RAD54L2: variants seen among roughly 807,000 people sequenced by gnomAD.
The protein encoded by RAD54L2 is RAD54 like 2.
A neutral mutation model predicts 138.4 loss-of-function variants in RAD54L2; 27 were observed. That is an observed-to-expected ratio of 0.20 (90% CI 0.14 to 0.27). RAD54L2 has a LOEUF of 0.27. RAD54L2 is among the 10% of genes least tolerant of loss of function. The pLI is 1.00. For missense variants in RAD54L2, 1,396 were observed against 1,890.2 expected, an observed-to-expected ratio of 0.74 and a Z score of 4.85; for synonymous variants, 644 against 723.2, an observed-to-expected ratio of 0.89 and a Z score of 1.76.
At chr3:51,650,300 C>G (rs1224306522) in intron 19 of RAD54L2, among the ~76,000 whole-genome samples, 1 of 152,128 alleles carries the variant, frequency 6.6e-6, no homozygotes, top group Non-Finnish European at 1.5e-5. Flanking sequence ...TCCTTAGAGA[C>G]CTACAAAGAG....
At chr3:51,648,879 C>T (rs1005231905) in intron 19 of RAD54L2, among the ~76,000 whole-genome samples, 1 of 152,100 alleles carries the variant, frequency 6.6e-6, no homozygotes, top group African/African-American at 2.4e-5. Context: ...ATTCTAAAAA[C>T]CAGAGCACCT....
At chr3:51,571,542 A>G (rs944747490) in intron 2 of RAD54L2, among the ~76,000 whole-genome samples, 3 of 151,630 alleles carry the variant, frequency 2.0e-5, no homozygotes, top group African/African-American at 4.8e-5. Context: ...GTGCATCACT[A>G]TTTTTAGTAG....
At chr3:51,568,729 G>A (rs556816946) in intron 2 of RAD54L2, among the ~76,000 whole-genome samples, 23 of 152,278 alleles carry the variant, frequency 1.5e-4, no homozygotes. Context: ...GTACCAGGTT[G>A]GAGAGTGTAG....
At chr3:51,543,500 C>T (rs782043920) in intron 2 of RAD54L2, among the ~76,000 whole-genome samples, 1 of 149,928 alleles carries the variant, frequency 6.7e-6, no homozygotes, top group Non-Finnish European at 1.5e-5. Context: ...CCCAGCTACT[C>T]GGGAGGCTGA....
At chr3:51,551,358 C>T (rs1314698958) in intron 2 of RAD54L2, among the ~76,000 whole-genome samples, 1 of 151,968 alleles carries the variant, frequency 6.6e-6, no homozygotes, top group East Asian at 1.9e-4. Flanking sequence ...GTCTTGAACT[C>T]CTGGGCTCAA....
intron 3 of RAD54L2, among the ~76,000 whole-genome samples, chr3:51,608,241 A>G (rs1241770377): frequency 1.3e-5 from 2 of 149,022 alleles, no homozygotes; most frequent in African/African-American, 5.0e-5. Context: ...GCGGCGGGGC[A>G]GAGGCACTCC....
chr3:51,645,375 T>G lies in RAD54L2; in HGVS notation c.2656+146T>G. 8 of 1,026,120 alleles carry G rather than the reference T, an allele frequency of 7.8e-6. No homozygotes were observed. Among genetic ancestry groups the G allele is most frequent in the South Asian group, 3.3e-5 (2 of 59,908 alleles). 63.6% of individuals were successfully genotyped at this position (1,026,120 alleles called of 1,614,324 possible). On this transcript the variant is annotated intron_variant, in intron 17 of 22. Transcript: ENST00000684192. The surrounding 1 kb of genome is among the most constrained non-coding windows in gnomAD (Gnocchi z 6.1). ...CCTCCTATCTCATTCTGATTCAAAT[T>G]GCTTAAAAGGTAATTGACCTCAACT...
At chr3:51,598,245 G>A (rs958963138) in intron 3 of RAD54L2, among the ~76,000 whole-genome samples, 10 of 149,760 alleles carry the variant, frequency 6.7e-5, no homozygotes, top group African/African-American at 2.5e-4. Flanking sequence ...TTGTTATAAT[G>A]GTGCATGTGT....
intron 2 of RAD54L2, among the ~76,000 whole-genome samples, chr3:51,567,546 G>A (rs1473906790): frequency 3.3e-5 from 5 of 151,966 alleles, no homozygotes; most frequent in Non-Finnish European, 4.4e-5. Context: ...CTTAATCTTG[G>A]TTTGTGTTAA....
chr3:51,643,172 C>T (rs1321693085), intron 15 of RAD54L2, among the ~76,000 whole-genome samples: 1 of 151,766 alleles, frequency 6.6e-6, no homozygotes, highest in African/African-American at 2.4e-5. Flanking sequence ...AGTACTGGGA[C>T]TACAGGCACA....
intron 3 of RAD54L2, among the ~76,000 whole-genome samples, chr3:51,610,272 C>G (rs1700297566): frequency 6.6e-6 from 1 of 152,150 alleles, no homozygotes; most frequent in South Asian, 2.1e-4. Flanking sequence ...CAGATTTGTT[C>G]TCATTATTAT....
chr3:51,608,843 G>T (rs949996088), intron 3 of RAD54L2, among the ~76,000 whole-genome samples: 11 of 152,178 alleles, frequency 7.2e-5, no homozygotes, highest in African/African-American at 2.7e-4. Context: ...ATCAGAGGGA[G>T]ACCGTGCAAA....
At chr3:51,579,256 G>A (rs1699555693) in intron 2 of RAD54L2, among the ~76,000 whole-genome samples, 1 of 149,754 alleles carries the variant, frequency 6.7e-6, no homozygotes, top group African/African-American at 2.5e-5. Context: ...TCCACCTCAA[G>A]CCTGGGATTT....
In RAD54L2 at chr3:51,634,047, G is replaced by T; in HGVS notation, c.1142+12G>T. 1.2e-6 allele frequency: 2 copies of T among 1,611,534 alleles called. No homozygotes were observed. The highest frequency in any genetic ancestry group is 1.7e-6 in the Non-Finnish European group (2 of 1,179,322). ...AATGATGAGCACAAGTAGGTGGCCT[G>T]CCCTTTCCTCTCTGCCCCTTTCCTT... On this transcript the variant is annotated intron_variant, in intron 9 of 22. Coordinates refer to ENST00000684192, the MANE Select transcript of RAD54L2 (RefSeq NM_015106.4).
chr3:51,662,442 T>G lies in RAD54L2; in HGVS notation c.3426T>G (p.Ser1142=). 1 of 1,529,240 alleles carries G rather than the reference T, an allele frequency of 6.5e-7. No individual in the cohort carries two copies. Among genetic ancestry groups the G allele is most frequent in the South Asian group, 1.3e-5 (1 of 78,304 alleles). 94.7% of individuals were successfully genotyped at this position (1,529,240 alleles called of 1,614,324 possible). The change falls in exon 23 of 23, where the codon TCT becomes TCG. Residue 1142 remains serine, a synonymous_variant. Coordinates refer to ENST00000684192, the MANE Select transcript of RAD54L2 (RefSeq NM_015106.4). This position sits in a 1 kb window ranked among gnomAD's most constrained non-coding sequence, Gnocchi z 4.6. ...TGTCCCCAGGTTCCCAGGGACCTTC[T>G]TGCGAGTCCACAAGCAACGGCAGAC... ...RMAASGSQGP[S]CESTSNGRHS...
chr3:51,625,088 G>A (rs970495718), intron 3 of RAD54L2, among the ~76,000 whole-genome samples: 2 of 152,078 alleles, frequency 1.3e-5, no homozygotes, highest in Admixed American at 6.6e-5. Context: ...TTACCCCAAA[G>A]ACACTTGACT....
At position 51,663,594 on chromosome 3, in the gene RAD54L2, CAAAAAAAAAA is replaced by C. The variant is rs34235841; in HGVS notation, c.*189_*198del. 12 of 54,840 alleles carry C rather than the reference CAAAAAAAAAA, an allele frequency of 2.2e-4. No homozygotes were observed. The highest frequency in any genetic ancestry group is 2.9e-4 in the Non-Finnish European group (9 of 30,570). 3.4% of individuals were successfully genotyped at this position (54,840 alleles called of 1,614,324 possible). A position where few individuals can be genotyped will look rare whatever the true frequency, so the allele number is the denominator to read the frequency against. ...CTCTGTTGCTGTTTAACAAAAGAGG[CAAAAAAAAAA>C]AAAAAAAAAAAAAAGTCCAACACAG... On this transcript the variant is annotated 3_prime_UTR_variant, in exon 23 of 23. Coordinates refer to ENST00000684192, the MANE Select transcript of RAD54L2 (RefSeq NM_015106.4).
At chr3:51,613,471 G>C (rs753487975) in intron 3 of RAD54L2, among the ~76,000 whole-genome samples, 9 of 152,080 alleles carry the variant, frequency 5.9e-5, no homozygotes, top group Non-Finnish European at 1.3e-4. Flanking sequence ...ATTTAAGATG[G>C]TTAAAAAGGC....
intron 20 of RAD54L2, 110 bp from the exon 21 acceptor site, chr3:51,657,470 G>T: frequency 1.5e-6 from 1 of 667,600 alleles, no homozygotes; most frequent in African/African-American, 1.8e-5. Flanking sequence ...CCACTGAGAG[G>T]CTGTAGGGAA....
Sources: allele counts gnomAD v4.1 joint callset (sites outside exome capture counted in the v4.1 genomes callset), GRCh38; gene constraint gnomAD v4.1.1; non-coding constraint Gnocchi (gnomAD v3.1); transcripts MANE v1.5; gene names NCBI Gene and HGNC (gene_info 2026-07-23, HGNC 2026-07-21).